The following SPOCK3 variants were observed in gnomAD, a reference collection of about 807,000 sequenced individuals.
The protein encoded by SPOCK3 is SPARC (osteonectin), cwcv and kazal like domains proteoglycan 3.
Under a neutral mutation model 56.6 loss-of-function variants are expected in SPOCK3, and 30 were observed. That is an observed-to-expected ratio of 0.53 (90% CI 0.40 to 0.72). The LOEUF (loss-of-function observed/expected upper bound fraction) is 0.72. SPOCK3 is among the 30% of genes least tolerant of loss of function. The pLI, the probability that SPOCK3 is intolerant of heterozygous loss-of-function variation, is 0.00. For missense variants in SPOCK3, 527 were observed against 530.0 expected (o/e 0.99, Z 0.06); for synonymous variants, 196 against 183.3 (o/e 1.07, Z -0.56).
chr4:167,037,745 T>C (rs1289109659), intron 3 of SPOCK3, among the ~76,000 whole-genome samples: 2 of 152,170 alleles, frequency 1.3e-5, no homozygotes, highest in African/African-American at 4.8e-5. Flanking sequence ...CTAACTTAAG[T>C]GGAGGTGGCT....
intron 2 of SPOCK3, among the ~76,000 whole-genome samples, chr4:167,123,913 T>C (rs1033264530): frequency 2.0e-5 from 3 of 151,808 alleles, no homozygotes; most frequent in Non-Finnish European, 2.9e-5. Flanking sequence ...GCCTGGCTAA[T>C]TTTTTGTATT....
intron 5 of SPOCK3, among the ~76,000 whole-genome samples, chr4:166,907,045 A>G (rs924753436): frequency 2.0e-5 from 3 of 152,092 alleles, no homozygotes; most frequent in Admixed American, 6.6e-5. Flanking sequence ...TTTGATTTAT[A>G]TATATACACA....
chr4:166,974,146 C>A (rs1195790959), intron 4 of SPOCK3, among the ~76,000 whole-genome samples: 3 of 152,072 alleles, frequency 2.0e-5, no homozygotes, highest in East Asian at 3.9e-4. Context: ...GGAAGTCTAG[C>A]AATCCTTTAA....
chr4:167,070,853 T>A (rs10050205), intron 2 of SPOCK3, among the ~76,000 whole-genome samples: 1 of 151,930 alleles, frequency 6.6e-6, no homozygotes, highest in African/African-American at 2.4e-5. Flanking sequence ...AAAGGAATTA[T>A]CTATATGAGA....
chr4:166,962,881 G>A lies in SPOCK3; in HGVS notation c.350+37468C>T, dbSNP rs193178251. ...ATCCCAGAATAATTTTAAAATAAGA[G>A]GCATCAGCTCATTTAATCATGAGAA... On this transcript the variant is annotated intron_variant, in intron 4 of 10. Transcript: ENST00000357545. Among the ~76,000 whole-genome samples, 17 of 152,120 alleles carry A rather than the reference G, an allele frequency of 1.1e-4. No individual in the cohort carries two copies. In the East Asian group the frequency reaches 2.3e-3, roughly 21 times the overall value.
chr4:166,943,417 A>C (rs1286415147), intron 4 of SPOCK3, among the ~76,000 whole-genome samples: 1 of 152,212 alleles, frequency 6.6e-6, no homozygotes, highest in Non-Finnish European at 1.5e-5. Context: ...TTAATATAAA[A>C]AAGAGACATA....
intron 3 of SPOCK3, among the ~76,000 whole-genome samples, chr4:167,027,915 G>A (rs1240332071): frequency 1.3e-5 from 2 of 151,980 alleles, no homozygotes; most frequent in Non-Finnish European, 2.9e-5. Context: ...AGAATCAACT[G>A]TACCTAAGTT....
intron 2 of SPOCK3, among the ~76,000 whole-genome samples, chr4:167,181,991 A>G (rs1487065045): frequency 6.6e-6 from 1 of 152,190 alleles, no homozygotes; most frequent in Non-Finnish European, 1.5e-5. Context: ...TAAGATGCCC[A>G]ATATGATGCT....
chr4:167,118,754 A>G (rs990810780), intron 2 of SPOCK3, among the ~76,000 whole-genome samples: 7 of 152,224 alleles, frequency 4.6e-5, no homozygotes, highest in South Asian at 2.1e-4. Context: ...GAAAAAAAAG[A>G]AAACTTGGCA....
chr4:167,055,588 C>G (rs1213209123), intron 3 of SPOCK3, among the ~76,000 whole-genome samples: 1 of 152,186 alleles, frequency 6.6e-6, no homozygotes, highest in Non-Finnish European at 1.5e-5. Flanking sequence ...AAAATCGGGT[C>G]ACTCTCACCT....
chr4:167,079,471 A>C lies in SPOCK3; in HGVS notation c.190-16934T>G, dbSNP rs539507062. Among the ~76,000 whole-genome samples the C allele has an allele frequency of 2.0e-5, 3 of 152,140 alleles. No homozygotes were observed. In the South Asian group the frequency reaches 6.2e-4, roughly 31 times the overall value. On this transcript the variant is annotated intron_variant, in intron 2 of 10. Coordinates refer to ENST00000357545, the MANE Select transcript of SPOCK3 (RefSeq NM_001040159.2). ...TTTAATTCCATGTCTATAGAAATTT[A>C]GAATCAGCATCCAATAGAAATGGGG...
At chr4:167,087,406 A>G (rs1385048510) in intron 2 of SPOCK3, among the ~76,000 whole-genome samples, 1 of 152,200 alleles carries the variant, frequency 6.6e-6, no homozygotes. Context: ...ACAGAACGCA[A>G]TTATTCTGAC....
At chr4:167,202,515 T>C (rs1733615265) in intron 2 of SPOCK3, among the ~76,000 whole-genome samples, 1 of 151,956 alleles carries the variant, frequency 6.6e-6, no homozygotes, top group South Asian at 2.1e-4. Flanking sequence ...CATTTGGGAT[T>C]ACCACATGCA....
intron 3 of SPOCK3, among the ~76,000 whole-genome samples, chr4:167,039,065 T>C (rs1255390608): frequency 9.9e-5 from 15 of 152,190 alleles, no homozygotes; most frequent in Non-Finnish European, 4.4e-5. Context: ...TGGGTCCTTC[T>C]TGAGGGCTCC....
chr4:167,192,561 C>A (rs1340050784), intron 2 of SPOCK3, among the ~76,000 whole-genome samples: 1 of 145,550 alleles, frequency 6.9e-6, no homozygotes, highest in East Asian at 2.1e-4. Flanking sequence ...AAGAAAAACG[C>A]TCTTACCTTT....
chr4:167,227,063 C>T (rs1014929296), intron 2 of SPOCK3, among the ~76,000 whole-genome samples: 1 of 152,092 alleles, frequency 6.6e-6, no homozygotes, highest in Admixed American at 6.6e-5. Flanking sequence ...GATGCTAGTG[C>T]TTGATATTAC....
At chr4:166,977,601 A>G (rs1264895053) in intron 4 of SPOCK3, among the ~76,000 whole-genome samples, 1 of 152,120 alleles carries the variant, frequency 6.6e-6, no homozygotes, top group Non-Finnish European at 1.5e-5. Flanking sequence ...ATATGGATTG[A>G]TAACAAATAC....
intron 2 of SPOCK3, among the ~76,000 whole-genome samples, chr4:167,172,305 T>G (rs932727870): frequency 4.1e-4 from 62 of 152,224 alleles, no homozygotes; most frequent in African/African-American, 1.4e-3. Context: ...TTAATATCTC[T>G]CTTTACACTG....
At chr4:167,030,083 TTCTATCTATCTATCTATCTA>T (rs59694023) in intron 3 of SPOCK3, among the ~76,000 whole-genome samples, 119 of 141,480 alleles carry the variant, frequency 8.4e-4, no homozygotes, top group African/African-American at 3.0e-3. Context: ...TAATGGCTCA[TTCTATCTATCTATCTATCTA>T]TCTATCTATC....
Sources: allele counts gnomAD v4.1 joint callset (sites outside exome capture counted in the v4.1 genomes callset), GRCh38; gene constraint gnomAD v4.1.1; transcripts MANE v1.5; gene names NCBI Gene and HGNC (gene_info 2026-07-23, HGNC 2026-07-21).